The following ENKUR variants were observed in gnomAD, a reference collection of about 807,000 sequenced individuals.
The protein encoded by ENKUR is enkurin.
ENKUR carries 19 observed loss-of-function variants against 27.6 expected under a neutral mutation model. The ratio of observed to expected loss-of-function variants is 0.69; its 90% CI spans 0.48 to 1.01. The LOEUF is 1.01. ENKUR is among the 50% of genes least tolerant of loss of function. The pLI, the probability that ENKUR is intolerant of heterozygous loss-of-function variation, is 0.00. For synonymous variants in ENKUR, 117 were observed against 96.9 expected (o/e 1.21, Z -1.22); for missense variants, 312 against 310.5 (o/e 1.00, Z -0.04).
rs75964206 is a variant in ENKUR, at chr10:25,034,703, G to T, written c.37+26409C>A. On this transcript the variant is annotated intron_variant, in intron 2 of 5. Coordinates refer to the ENKUR transcript ENST00000615958. The stretch of plus-strand genomic sequence containing the variant: ...CATTTCTTGTAAATTCCACATATGT[G>T]TAGGATTCTTCTCTATTAAAGTAAT... Among the ~76,000 whole-genome samples the T allele has an allele frequency of 3.2e-4, 48 of 152,270 alleles. No homozygotes were observed. In the East Asian group the frequency reaches 9.3e-3, roughly 29 times the overall value.
At chr10:24,990,630 A>G (rs1564335561) in intron 3 of ENKUR, 21 bp from the exon 4 acceptor site, 1 of 1,586,590 alleles carries the variant, frequency 6.3e-7, no homozygotes. Flanking sequence ...TTTGCAGAAA[A>G]AAGTAATCAA....
intron 1 of ENKUR, among the ~76,000 whole-genome samples, chr10:25,009,650 A>T (rs1850394362): frequency 6.6e-6 from 1 of 152,054 alleles, no homozygotes; most frequent in African/African-American, 2.4e-5. Context: ...TCCAAATCTC[A>T]TCTTGAATTG....
At chr10:25,060,552 G>A (rs1026993653) in intron 2 of ENKUR, among the ~76,000 whole-genome samples, 6 of 152,120 alleles carry the variant, frequency 3.9e-5, no homozygotes, top group African/African-American at 1.2e-4. Context: ...CCGAAAATAC[G>A]ATGCCGTTTT....
chr10:25,037,522 A>G (rs768673217), intron 2 of ENKUR, among the ~76,000 whole-genome samples: 17 of 152,186 alleles, frequency 1.1e-4, no homozygotes, highest in Non-Finnish European at 2.2e-4. Flanking sequence ...GCATCTTAAA[A>G]TAAATGATTT....
In ENKUR at chr10:25,024,946, C is replaced by T; in HGVS notation, c.38-29077G>A. On this transcript the variant is annotated intron_variant, in intron 2 of 5. Coordinates refer to the ENKUR transcript ENST00000615958. ...TCTCAAATCTTCAAACCTAGAACGACATTTACACTTGATGGCTAATAAAGA... is the reference window on the plus strand; with the variant it reads ...TCTCAAATCTTCAAACCTAGAACGATATTTACACTTGATGGCTAATAAAGA... 1.9e-6 allele frequency: 3 copies of T among 1,614,068 alleles called. No homozygotes were observed. The South Asian group carries it at 3.3e-5, about 18-fold the overall frequency.
At chr10:25,025,174 G>T in intron 2 of ENKUR, 1 of 1,614,162 alleles carries the variant, frequency 6.2e-7, no homozygotes. Context: ...AGTGGTTGCA[G>T]ATAGGGTGCA....
chr10:25,013,242 G>C (rs1320756235), intron 1 of ENKUR, among the ~76,000 whole-genome samples: 2 of 152,160 alleles, frequency 1.3e-5, no homozygotes, highest in African/African-American at 2.4e-5. Flanking sequence ...CGTGAGAACA[G>C]ACTAATATAC....
intron 2 of ENKUR, among the ~76,000 whole-genome samples, chr10:25,044,403 T>C (rs1294644558): frequency 6.6e-6 from 1 of 152,176 alleles, no homozygotes; most frequent in African/African-American, 2.4e-5. Flanking sequence ...TTTGTTTGTT[T>C]GTTTTTTCTT....
In ENKUR at chr10:24,999,412, G is replaced by GT. The variant is rs1378928147; in HGVS notation, c.211dup (p.Thr71AsnfsTer9). ...ATGATAAAACCTACTGGGTGGTAGAGTTTTTTCCTTTGAATGTTTCTTTAG... is the reference window on the plus strand; with the variant it reads ...ATGATAAAACCTACTGGGTGGTAGAGTTTTTTTCCTTTGAATGTTTCTTTAG... On this transcript the variant is annotated frameshift_variant, in exon 2 of 6. Transcript: ENST00000331161. LOFTEE classifies it high-confidence loss of function. 1 of 1,608,254 alleles carries GT rather than the reference G, an allele frequency of 6.2e-7. No individual in the cohort carries two copies. The highest frequency in any genetic ancestry group is 1.1e-5 in the South Asian group (1 of 89,344).
intron 2 of ENKUR, chr10:25,023,968 A>C (rs1850781408): frequency 6.2e-7 from 1 of 1,614,072 alleles, no homozygotes; most frequent in Admixed American, 1.7e-5. Context: ...GGTTTCAGCA[A>C]AATTCTTTAG....
upstream of ENKUR, among the ~76,000 whole-genome samples, chr10:25,018,121 TA>T (rs972953578): frequency 2.0e-5 from 3 of 152,218 alleles, no homozygotes; most frequent in Non-Finnish European, 4.4e-5. Flanking sequence ...TATTATGCTT[TA>T]AAAAATGCTA....
At chr10:25,032,520 A>C (rs1850948353) in intron 2 of ENKUR, among the ~76,000 whole-genome samples, 1 of 152,126 alleles carries the variant, frequency 6.6e-6, no homozygotes, top group African/African-American at 2.4e-5. Context: ...CAAGGCTGTA[A>C]CTGCTTTTTA....
intron 2 of ENKUR, chr10:25,025,259 TA>T: frequency 6.2e-7 from 1 of 1,614,224 alleles, no homozygotes; most frequent in Non-Finnish European, 8.5e-7. Flanking sequence ...ATGCAGGCTT[TA>T]AAGATTAAAG....
At chr10:25,009,875 C>G (rs1480765339) in intron 1 of ENKUR, among the ~76,000 whole-genome samples, 1 of 152,158 alleles carries the variant, frequency 6.6e-6, no homozygotes, top group East Asian at 1.9e-4. Context: ...ATTGTGAGGC[C>G]TCCCCAGCCA....
At chr10:24,994,071 G>T (rs1343210580) in intron 3 of ENKUR, among the ~76,000 whole-genome samples, 2 of 152,166 alleles carry the variant, frequency 1.3e-5, no homozygotes, top group African/African-American at 4.8e-5. Flanking sequence ...GGAACTCCTA[G>T]ATTCCTGAGA....
intron 4 of ENKUR, among the ~76,000 whole-genome samples, chr10:24,986,208 G>A (rs1225056618): frequency 6.6e-6 from 1 of 152,172 alleles, no homozygotes; most frequent in Non-Finnish European, 1.5e-5. Flanking sequence ...GTAAGCTCTT[G>A]TACAAATTTA....
rs767278526 is a variant in ENKUR at position 25,023,300 on chromosome 10, A to G, written c.38-27431T>C. On this transcript the variant is annotated intron_variant, in intron 2 of 5. Coordinates refer to the ENKUR transcript ENST00000615958. ...TTTTCTAGTATACATGTTAAAACGGATAAACATGCACAGCGATTTCTTTCA... is the reference window on the plus strand; with the variant it reads ...TTTTCTAGTATACATGTTAAAACGGGTAAACATGCACAGCGATTTCTTTCA... 16 of 1,614,052 alleles carry G rather than the reference A, an allele frequency of 9.9e-6. No individual in the cohort carries two copies. In the South Asian group the frequency reaches 1.5e-4, roughly 16 times the overall value.
At chr10:25,057,298 AAC>A (rs984891894) in intron 2 of ENKUR, among the ~76,000 whole-genome samples, 3 of 151,964 alleles carry the variant, frequency 2.0e-5, no homozygotes, top group Non-Finnish European at 4.4e-5. Flanking sequence ...GAAATAAAAA[AAC>A]AGTGATGCCT....
rs762922488 is a variant in ENKUR, at chr10:25,023,517, T to C, written c.38-27648A>G. The C allele has an allele frequency of 4.3e-6, 7 of 1,613,852 alleles. No individual in the cohort carries two copies. The Admixed American group carries it at 5.0e-5, about 12-fold the overall frequency. ...TCCTTGAAAAAACCTGGAATATGAG[T>C]GTGTCTGAAAAATTACAGGATGTTG... On this transcript the variant is annotated intron_variant, in intron 2 of 5. Coordinates refer to the ENKUR transcript ENST00000615958.
Sources: gnomAD v4.1 joint callset for allele counts (sites outside exome capture counted in the v4.1 genomes callset) on GRCh38, gnomAD v4.1.1 for gene constraint, MANE v1.5 for transcripts, NCBI Gene and HGNC (gene_info 2026-07-23, HGNC 2026-07-21) for gene names.